Variants in ERBB4 observed in about 807,000 individuals in gnomAD.
ERBB4 encodes receptor tyrosine-protein kinase erbB-4.
ERBB4 carries 42 observed loss-of-function variants against 158.0 expected under a neutral mutation model. The observed-to-expected ratio is 0.27, with a 90% CI of 0.21 to 0.34. ERBB4 has a LOEUF of 0.34. Ranked by LOEUF, ERBB4 falls within the 10% of genes least tolerant of loss-of-function variation. The pLI is 1.00. For missense variants in ERBB4, 1,333 were observed against 1,624.1 expected (o/e 0.82, Z 3.08); for synonymous variants, 583 against 558.7 (o/e 1.04, Z -0.61).
At chr2:211,591,370 T>C (rs1052897205) in intron 19 of ERBB4, among the ~76,000 whole-genome samples, 4 of 152,206 alleles carry the variant, frequency 2.6e-5, no homozygotes, top group African/African-American at 9.7e-5. Context: ...TCTGGTTTTA[T>C]CTCTTCTCAC....
At chr2:211,749,427 T>C (rs906096091) in intron 5 of ERBB4, among the ~76,000 whole-genome samples, 3 of 152,312 alleles carry the variant, frequency 2.0e-5, no homozygotes, top group African/African-American at 7.2e-5. Flanking sequence ...TCCTTGGGTA[T>C]GCATAAATTA....
At chr2:212,412,764 T>C (rs2091534229) in intron 1 of ERBB4, among the ~76,000 whole-genome samples, 1 of 152,142 alleles carries the variant, frequency 6.6e-6, no homozygotes, top group South Asian at 2.1e-4. Context: ...CTCAATTATA[T>C]ATAAAATTTG....
intron 1 of ERBB4, among the ~76,000 whole-genome samples, chr2:212,151,282 G>C (rs1389909311): frequency 6.6e-6 from 1 of 150,384 alleles, no homozygotes; most frequent in South Asian, 2.1e-4. Context: ...ATACATTATA[G>C]GGGTTTAATA....
At position 211,679,096 on chromosome 2, in the gene ERBB4, G is replaced by A; in HGVS notation, c.1578C>T (p.Phe526=). Reference sequence around the variant, plus strand: ...ACTCTATGCAGATCCTTCCTCTACTGAAGCGGCGACACGACAGACATTGGT... The same window carrying A: ...ACTCTATGCAGATCCTTCCTCTACTAAAGCGGCGACACGACAGACATTGGT... The part of the protein sequence containing the change: ...GPDQCLSCRR[F]SRGRICIESC... The change falls in exon 13 of 28, where the codon TTC becomes TTT. Residue 526 remains phenylalanine, a synonymous_variant. Coordinates refer to ENST00000342788, the MANE Select transcript of ERBB4 (RefSeq NM_005235.3). 1 of 1,611,982 alleles carries A rather than the reference G, an allele frequency of 6.2e-7. No individual in the cohort carries two copies. The highest frequency in any genetic ancestry group is 8.5e-7 in the Non-Finnish European group (1 of 1,178,956).
intron 2 of ERBB4, among the ~76,000 whole-genome samples, chr2:212,010,477 C>T (rs1005518776): frequency 6.6e-6 from 1 of 152,016 alleles, no homozygotes; most frequent in Admixed American, 6.6e-5. Flanking sequence ...GTACAAAGAT[C>T]ACATGCTTCA....
intron 4 of ERBB4, among the ~76,000 whole-genome samples, chr2:211,765,639 AC>A (rs1368898565): frequency 1.3e-5 from 2 of 152,126 alleles, no homozygotes; most frequent in Non-Finnish European, 2.9e-5. Context: ...AACTATAAGG[AC>A]CCTTAGACAT....
intron 1 of ERBB4, among the ~76,000 whole-genome samples, chr2:212,308,999 T>C (rs1212458619): frequency 1.3e-5 from 2 of 150,818 alleles, no homozygotes; most frequent in Non-Finnish European, 3.0e-5. Flanking sequence ...CAATTTAAAG[T>C]GTATAAAATT....
At chr2:211,682,728 T>G (rs565106992) in intron 12 of ERBB4, among the ~76,000 whole-genome samples, 1 of 152,182 alleles carries the variant, frequency 6.6e-6, no homozygotes, top group Non-Finnish European at 1.5e-5. Flanking sequence ...CATAGTATTT[T>G]TCCATAATTT....
intron 1 of ERBB4, among the ~76,000 whole-genome samples, chr2:212,535,170 T>C (rs1000638964): frequency 6.6e-6 from 1 of 152,118 alleles, no homozygotes; most frequent in Admixed American, 6.5e-5. Context: ...TTTGCAGTTA[T>C]ACTAACAGAT....
At chr2:211,955,982 A>G (rs2081015463) in intron 2 of ERBB4, among the ~76,000 whole-genome samples, 2 of 151,952 alleles carry the variant, frequency 1.3e-5, no homozygotes, top group East Asian at 1.9e-4. Flanking sequence ...AATTGTAAGT[A>G]TACATATTTC....
At chr2:212,444,980 G>A (rs918075126) in intron 1 of ERBB4, among the ~76,000 whole-genome samples, 2 of 151,486 alleles carry the variant, frequency 1.3e-5, no homozygotes, top group Non-Finnish European at 1.5e-5. Flanking sequence ...CTGTGGACTC[G>A]CAGAATGCCT....
intron 1 of ERBB4, among the ~76,000 whole-genome samples, chr2:212,136,785 G>A (rs1220350191): frequency 6.6e-6 from 1 of 152,142 alleles, no homozygotes; most frequent in Non-Finnish European, 1.5e-5. Context: ...GTCTGTGAAT[G>A]TTAGACTTGG....
chr2:211,536,813 G>T (rs2125674977), intron 20 of ERBB4, among the ~76,000 whole-genome samples: 1 of 152,086 alleles, frequency 6.6e-6, no homozygotes, highest in South Asian at 2.1e-4. Flanking sequence ...TTTCTGGATA[G>T]CCTATTAACT....
chr2:212,281,102 C>CT (rs755292446), intron 1 of ERBB4, among the ~76,000 whole-genome samples: 11 of 150,974 alleles, frequency 7.3e-5, no homozygotes, highest in Non-Finnish European at 1.2e-4. Context: ...GAAAGCCCTT[C>CT]TTTTTTTTTC....
intron 19 of ERBB4, among the ~76,000 whole-genome samples, chr2:211,578,833 C>A (rs532820708): frequency 6.6e-6 from 1 of 152,202 alleles, no homozygotes; most frequent in South Asian, 2.1e-4. Context: ...AAATGTAAAA[C>A]CCAAAATTAT....
At position 211,530,472 on chromosome 2, in the gene ERBB4, A is replaced by T. The variant is rs13384458; in HGVS notation, c.2487+31431T>A. ...CAATCCTTATCAAAATACCAACGAT[A>T]TTTTTCACAGAAATGGAAGAAACAA... On this transcript the variant is annotated intron_variant, in intron 20 of 27. Transcript: ENST00000342788. Among the ~76,000 whole-genome samples the T allele has an allele frequency of 7.6e-3, 1,158 of 152,268 alleles. 8 individuals carry two copies. The highest frequency in any genetic ancestry group is 0.013 in the Non-Finnish European group (864 of 68,024).
intron 20 of ERBB4, among the ~76,000 whole-genome samples, chr2:211,506,014 C>T (rs930121261): frequency 6.7e-6 from 1 of 150,150 alleles, no homozygotes; most frequent in African/African-American, 2.4e-5. Context: ...AAACAAGACC[C>T]AACCATCTGC....
rs146064676 is a variant in ERBB4, at chr2:212,176,428, C to G, written c.83-51525G>C. On this transcript the variant is annotated intron_variant, in intron 1 of 27. Coordinates refer to ENST00000342788, the MANE Select transcript of ERBB4 (RefSeq NM_005235.3). ...TTACTCACTCTCCACCCTGTAGACACGCAGCAAGAAGCTAGCTATCTGCAA... is the reference window on the plus strand; with the variant it reads ...TTACTCACTCTCCACCCTGTAGACAGGCAGCAAGAAGCTAGCTATCTGCAA... Among the ~76,000 whole-genome samples the G allele has an allele frequency of 2.4e-3, 372 of 152,074 alleles. 3 individuals are homozygous for G. Among genetic ancestry groups the G allele is most frequent in the African/African-American group, 8.5e-3 (353 of 41,522 alleles).
intron 1 of ERBB4, among the ~76,000 whole-genome samples, chr2:212,506,566 A>T (rs1691208406): frequency 6.6e-6 from 1 of 152,016 alleles, no homozygotes; most frequent in South Asian, 2.1e-4. Flanking sequence ...CTTATTGCTC[A>T]TATGGAGAAA....
Sources: gnomAD v4.1 joint callset for allele counts (sites outside exome capture counted in the v4.1 genomes callset) on GRCh38, gnomAD v4.1.1 for gene constraint, MANE v1.5 for transcripts, NCBI Gene and HGNC (gene_info 2026-07-23, HGNC 2026-07-21) for gene names.